FRZB: variants seen among roughly 807,000 people sequenced by gnomAD.
The protein encoded by FRZB is frizzled related protein, also known as secreted frizzled-related protein 3.
FRZB carries 34 observed loss-of-function variants against 32.5 expected under a neutral mutation model. The observed-to-expected ratio is 1.05, with a 90% CI of 0.80 to 1.39. FRZB has a LOEUF of 1.39. Among genes scored for constraint, FRZB ranks in the 40% most tolerant of loss-of-function variants. The pLI, the probability that FRZB is intolerant of heterozygous loss-of-function variation, is 0.00. For synonymous variants in FRZB, 170 were observed against 159.2 expected (o/e 1.07, Z -0.51); for missense variants, 423 against 424.8 (o/e 1.00, Z 0.04).
At chr2:182,840,860 G>T (rs1261023169) in intron 3 of FRZB, among the ~76,000 whole-genome samples, 1 of 151,818 alleles carries the variant, frequency 6.6e-6, no homozygotes, top group Non-Finnish European at 1.5e-5. Context: ...AAAAATAACA[G>T]CAACAACCAT....
intron 2 of FRZB, among the ~76,000 whole-genome samples, chr2:182,852,894 G>C (rs879412117): frequency 4.6e-5 from 7 of 152,174 alleles, no homozygotes; most frequent in Non-Finnish European, 1.0e-4. Context: ...AAGCTTTGAG[G>C]CAAAGAATAT....
chr2:182,841,299 A>G (rs769641808), intron 3 of FRZB, among the ~76,000 whole-genome samples: 2 of 152,174 alleles, frequency 1.3e-5, no homozygotes, highest in Non-Finnish European at 1.5e-5. Context: ...AAAATTTTCA[A>G]CTTTATATTT....
intron 3 of FRZB, among the ~76,000 whole-genome samples, chr2:182,839,541 T>C (rs1559046612): frequency 6.6e-6 from 1 of 152,036 alleles, no homozygotes; most frequent in Non-Finnish European, 1.5e-5. Flanking sequence ...TTGCTTTACT[T>C]ATCAATGTAA....
intron 1 of FRZB, among the ~76,000 whole-genome samples, chr2:182,862,758 C>A (rs977693786): frequency 1.4e-4 from 16 of 111,530 alleles, no homozygotes; most frequent in Admixed American, 1.3e-3. Flanking sequence ...TGTTTAATTT[C>A]TTTTCTTTTC....
intron 2 of FRZB, among the ~76,000 whole-genome samples, chr2:182,853,817 G>C (rs3098357): frequency 0.011 from 1,742 of 152,264 alleles, 40 homozygotes; most frequent in African/African-American, 0.039. Context: ...CAAAATACTA[G>C]AGGAAAGTGA....
rs186026708 is a variant in FRZB at position 182,857,073 on chromosome 2, A to G, written c.526+1713T>C. Among the ~76,000 whole-genome samples the G allele has an allele frequency of 1.4e-4, 21 of 152,320 alleles. No individual in the cohort carries two copies. In the East Asian group the frequency reaches 3.1e-3, roughly 22 times the overall value. On this transcript the variant is annotated intron_variant, in intron 2 of 5. Transcript: ENST00000295113. ...TATCCTGGATCAGAGAATAAACCTT[A>G]ATAAATCTAAAAGAACTGAAATCAC...
intron 1 of FRZB, among the ~76,000 whole-genome samples, chr2:182,859,944 G>A (rs1452572755): frequency 6.6e-6 from 1 of 152,070 alleles, no homozygotes; most frequent in East Asian, 1.9e-4. Context: ...ATGTACCCAA[G>A]TATTACAGTA....
intron 5 of FRZB, among the ~76,000 whole-genome samples, chr2:182,836,953 G>A (rs572464197): frequency 1.3e-5 from 2 of 152,080 alleles, no homozygotes; most frequent in South Asian, 2.1e-4. Context: ...CGTGTCTGCC[G>A]TGTCAAGTGC....
chr2:182,845,296 G>C (rs530572703), intron 2 of FRZB, among the ~76,000 whole-genome samples: 1 of 152,224 alleles, frequency 6.6e-6, no homozygotes, highest in Non-Finnish European at 1.5e-5. Context: ...CCCTAAATCA[G>C]ATGTAACAGT....
At chr2:182,857,642 A>G (rs927213684) in intron 2 of FRZB, among the ~76,000 whole-genome samples, 2 of 151,750 alleles carry the variant, frequency 1.3e-5, no homozygotes, top group African/African-American at 4.8e-5. Flanking sequence ...GTCTCAAAAC[A>G]CAATATAAGC....
rs557982085 is a variant in FRZB at position 182,856,593 on chromosome 2, C to T, written c.526+2193G>A. Among the ~76,000 whole-genome samples, 63 of 152,066 alleles carry T rather than the reference C, an allele frequency of 4.1e-4. No individual in the cohort carries two copies. In the South Asian group the frequency reaches 0.012, roughly 29 times the overall value. ...GTCTACAAGAAATGTATTTAAAACA[C>T]AATGACTTAAGTATGTTAAAAGTAG... On this transcript the variant is annotated intron_variant, in intron 2 of 5. Transcript: ENST00000295113.
chr2:182,844,726 A>T (rs185004089), intron 2 of FRZB, among the ~76,000 whole-genome samples: 22 of 152,312 alleles, frequency 1.4e-4, no homozygotes, highest in African/African-American at 4.1e-4. Context: ...GGATTTTTTT[A>T]AATTATATTA....
At chr2:182,860,854 G>A (rs992026956) in intron 1 of FRZB, among the ~76,000 whole-genome samples, 3 of 141,200 alleles carry the variant, frequency 2.1e-5, no homozygotes, top group Non-Finnish European at 4.5e-5. Flanking sequence ...GTGACAGAGC[G>A]AGACTGTCTC....
chr2:182,837,461 C>G (rs1695540071), intron 5 of FRZB, among the ~76,000 whole-genome samples: 1 of 151,970 alleles, frequency 6.6e-6, no homozygotes, highest in Admixed American at 6.6e-5. Context: ...TTTAAAAAGA[C>G]TACATTTTCT....
rs145894823 is a variant in FRZB at position 182,842,533 on chromosome 2, T to C, written c.537A>G (p.Lys179=). ...NCRGASSERC[K]CKPIRATQKT... ...TCTGTGTAGCTCTAATAGGCTTACA[T>C]TTACAGCGTTCTGAAAAACACATTT... Residue 179 remains lysine, a synonymous_variant, in exon 3 of 6, where the codon AAA becomes AAG. Coordinates refer to ENST00000295113, the MANE Select transcript of FRZB (RefSeq NM_001463.4). The C allele has an allele frequency of 2.1e-4, 339 of 1,611,810 alleles. No homozygotes were observed. In the African/African-American group the frequency reaches 4.1e-3, roughly 19 times the overall value.
chr2:182,856,414 T>A (rs1388023450), intron 2 of FRZB, among the ~76,000 whole-genome samples: 3 of 151,438 alleles, frequency 2.0e-5, no homozygotes, highest in Non-Finnish European at 4.4e-5. Flanking sequence ...AAGAAGAGAA[T>A]GTGAATAAAA....
intron 1 of FRZB, among the ~76,000 whole-genome samples, chr2:182,865,859 A>T (rs1312306349): frequency 1.3e-5 from 2 of 152,232 alleles, no homozygotes; most frequent in African/African-American, 4.8e-5. Context: ...ACAGTGCCAG[A>T]GTGCATCAGT....
At chr2:182,860,654 G>C (rs757795621) in intron 1 of FRZB, among the ~76,000 whole-genome samples, 28 of 152,096 alleles carry the variant, frequency 1.8e-4, no homozygotes, top group Non-Finnish European at 2.9e-4. Flanking sequence ...ATCATCTGAG[G>C]TCAGGAGTTC....
chr2:182,845,432 G>C (rs1447900507), intron 2 of FRZB, among the ~76,000 whole-genome samples: 1 of 152,074 alleles, frequency 6.6e-6, no homozygotes, highest in Admixed American at 6.6e-5. Context: ...AAGTTTTTTA[G>C]AATGGAAAAT....
Sources: allele counts gnomAD v4.1 joint callset (sites outside exome capture counted in the v4.1 genomes callset), GRCh38; gene constraint gnomAD v4.1.1; transcripts MANE v1.5; gene names NCBI Gene and HGNC (gene_info 2026-07-23, HGNC 2026-07-21).